SLC24A3: variants seen among roughly 807,000 people sequenced by gnomAD.
SLC24A3 encodes the protein solute carrier family 24 member 3.
SLC24A3 carries 28 observed loss-of-function variants against 75.8 expected under a neutral mutation model. That is an observed-to-expected ratio of 0.37 (90% confidence interval 0.27 to 0.51). The LOEUF is 0.51. Among genes scored for constraint, SLC24A3 ranks in the 20% least tolerant of loss-of-function variants. SLC24A3 has a pLI of 0.94. For synonymous variants in SLC24A3, 372 were observed against 334.1 expected, an observed-to-expected ratio of 1.11 and a Z score of -1.24; for missense variants, 663 against 847.8, an observed-to-expected ratio of 0.78 and a Z score of 2.71.
intron 2 of SLC24A3, among the ~76,000 whole-genome samples, chr20:19,415,121 A>G (rs1986805966): frequency 1.3e-5 from 2 of 152,184 alleles, no homozygotes; most frequent in Non-Finnish European, 2.9e-5. Flanking sequence ...AGCATTGACC[A>G]TATTTAGTTT....
At chr20:19,494,893 A>G (rs1988260994) in intron 2 of SLC24A3, among the ~76,000 whole-genome samples, 1 of 152,226 alleles carries the variant, frequency 6.6e-6, no homozygotes, top group South Asian at 2.1e-4. Context: ...GGTCCCCAAG[A>G]CAGAGATTCT....
At chr20:19,584,546 C>T (rs2031266325) in intron 4 of SLC24A3, among the ~76,000 whole-genome samples, 1 of 152,184 alleles carries the variant, frequency 6.6e-6, no homozygotes, top group Non-Finnish European at 1.5e-5. Context: ...GGCAATGCTG[C>T]CCATAGAAAG....
chr20:19,361,496 C>G (rs907592929), intron 2 of SLC24A3, among the ~76,000 whole-genome samples: 1 of 152,180 alleles, frequency 6.6e-6, no homozygotes. Flanking sequence ...GTGGGATTGA[C>G]TAGGACAAGC....
intron 2 of SLC24A3, among the ~76,000 whole-genome samples, chr20:19,331,145 G>A (rs73286628): frequency 0.021 from 3,199 of 152,192 alleles, 44 homozygotes; most frequent in African/African-American, 0.033. Flanking sequence ...GCATATTATC[G>A]GGTCAATTGA....
intron 6 of SLC24A3, among the ~76,000 whole-genome samples, chr20:19,588,420 A>T (rs575319420): frequency 1.2e-4 from 19 of 152,340 alleles, no homozygotes; most frequent in African/African-American, 3.6e-4. Flanking sequence ...ATCTGAAATT[A>T]AAGTAATTAA....
intron 2 of SLC24A3, among the ~76,000 whole-genome samples, chr20:19,424,745 C>CAAAAAA (rs528342351): frequency 8.1e-5 from 4 of 49,146 alleles, no homozygotes; most frequent in Admixed American, 2.7e-4. Flanking sequence ...AAAACAACAA[C>CAAAAAA]AAAAAAAAAA....
At chr20:19,353,969 A>G (rs1174008204) in intron 2 of SLC24A3, among the ~76,000 whole-genome samples, 2 of 152,222 alleles carry the variant, frequency 1.3e-5, no homozygotes, top group East Asian at 3.8e-4. Flanking sequence ...CCCAAGATAA[A>G]TGAAAATATA....
At chr20:19,708,564 C>T (rs6075563) in intron 15 of SLC24A3, among the ~76,000 whole-genome samples, 9,722 of 152,310 alleles carry the variant, frequency 0.064, 357 homozygotes, top group Non-Finnish European at 0.075. Context: ...GAGAAGCTAT[C>T]ATGTGCAGCT....
chr20:19,663,396 G>GCCTCCTCCTCCTCCT (rs1568689481), intron 7 of SLC24A3, among the ~76,000 whole-genome samples: 1 of 6,260 alleles, frequency 1.6e-4, no homozygotes, highest in Admixed American at 2.2e-3. Context: ...CTTTGTGGAG[G>GCCTCCTCCTCCTCCT]CCTCCTCCTC....
rs142931955 is a variant in SLC24A3 at position 19,553,367 on chromosome 20, T to C, written c.349-26633T>C. Reference sequence around the variant, plus strand: ...CCATGGGGAAATAGACCAGTTTCTGTATGTGACTTGCTGCATCACAAGGAA... The same window carrying C: ...CCATGGGGAAATAGACCAGTTTCTGCATGTGACTTGCTGCATCACAAGGAA... On this transcript the variant is annotated intron_variant, in intron 3 of 16. Coordinates refer to ENST00000328041, the MANE Select transcript of SLC24A3 (RefSeq NM_020689.4). Among the ~76,000 whole-genome samples the C allele has an allele frequency of 2.1e-3, 324 of 152,246 alleles. 2 individuals carry two copies. The Middle Eastern group carries it at 0.027, about 13-fold the overall frequency.
At chr20:19,521,479 A>G (rs1172412767) in intron 3 of SLC24A3, among the ~76,000 whole-genome samples, 4 of 152,038 alleles carry the variant, frequency 2.6e-5, no homozygotes, top group Non-Finnish European at 4.4e-5. Context: ...CATCCTCAGC[A>G]AAAGTGGAGA....
intron 2 of SLC24A3, among the ~76,000 whole-genome samples, chr20:19,497,514 T>G (rs1988310658): frequency 6.6e-6 from 1 of 152,190 alleles, no homozygotes; most frequent in South Asian, 2.1e-4. Context: ...CAATTCCACA[T>G]GTTTTGCAGA....
chr20:19,593,502 G>A (rs1193475287), intron 6 of SLC24A3, among the ~76,000 whole-genome samples: 4 of 152,162 alleles, frequency 2.6e-5, no homozygotes, highest in Non-Finnish European at 5.9e-5. Context: ...GTCTCGCAGC[G>A]TTACATATGT....
intron 1 of SLC24A3, among the ~76,000 whole-genome samples, chr20:19,230,661 T>TA (rs1555782573): frequency 1.9e-5 from 2 of 103,018 alleles, no homozygotes; most frequent in African/African-American, 6.3e-5. Flanking sequence ...GACATATTGA[T>TA]GGGGGGGGTG....
intron 2 of SLC24A3, among the ~76,000 whole-genome samples, chr20:19,495,424 G>A (rs1988269393): frequency 6.6e-6 from 1 of 152,212 alleles, no homozygotes; most frequent in African/African-American, 2.4e-5. Context: ...GTAAAAGTAG[G>A]GGAAGGGGTG....
intron 3 of SLC24A3, among the ~76,000 whole-genome samples, chr20:19,560,112 G>A (rs2030851409): frequency 6.6e-6 from 1 of 152,092 alleles, no homozygotes; most frequent in African/African-American, 2.4e-5. Context: ...TAGTTTATTT[G>A]ATCCCCAGGA....
In SLC24A3 at chr20:19,593,327, G is replaced by C. The variant is rs544127136; in HGVS notation, c.612+7783G>C. Among the ~76,000 whole-genome samples, 4 of 152,314 alleles carry C rather than the reference G, an allele frequency of 2.6e-5. No individual in the cohort carries two copies. In the East Asian group the frequency reaches 7.7e-4, roughly 29 times the overall value. Reference sequence around the variant, plus strand: ...TCACCCCTTAGCAAAATCACAGAAGGAGGTAGAGACTGGGCATCCAGGCCC... The same window carrying C: ...TCACCCCTTAGCAAAATCACAGAAGCAGGTAGAGACTGGGCATCCAGGCCC... On this transcript the variant is annotated intron_variant, in intron 6 of 16. Transcript: ENST00000328041.
At chr20:19,303,763 A>G (rs960782850) in intron 2 of SLC24A3, among the ~76,000 whole-genome samples, 1 of 152,202 alleles carries the variant, frequency 6.6e-6, no homozygotes, top group Non-Finnish European at 1.5e-5. Flanking sequence ...TGTTCCAAGG[A>G]TGAGAAAAAA....
chr20:19,712,412 C>T (rs554272254), intron 15 of SLC24A3, among the ~76,000 whole-genome samples: 9 of 151,964 alleles, frequency 5.9e-5, no homozygotes, highest in East Asian at 1.9e-4. Flanking sequence ...ACAAGCAGGA[C>T]GACATCAGCA....
Sources: allele counts gnomAD v4.1 joint callset (sites outside exome capture counted in the v4.1 genomes callset), GRCh38; gene constraint gnomAD v4.1.1; transcripts MANE v1.5; gene names NCBI Gene and HGNC (gene_info 2026-07-23, HGNC 2026-07-21).